Variants in NPSR1 observed in about 807,000 individuals in gnomAD.
NPSR1 encodes neuropeptide S receptor.
Under a neutral mutation model 46.9 loss-of-function variants are expected in NPSR1, and 48 were observed. That is an observed-to-expected ratio of 1.02 (90% CI 0.81 to 1.30). The LOEUF is 1.30. Among genes scored for constraint, NPSR1 ranks in the 50% most tolerant of loss-of-function variants. The probability of loss-of-function intolerance (pLI) is 0.00; values close to 1 mark genes in which losing one functional copy is unlikely to be tolerated. For synonymous variants in NPSR1, 176 were observed against 168.1 expected, an observed-to-expected ratio of 1.05 and a Z score of -0.36; for missense variants, 450 against 449.5, an observed-to-expected ratio of 1.00 and a Z score of -0.01.
chr7:34,752,048 AAG>A (rs1325244697), intron 2 of NPSR1: 6 of 685,060 alleles, frequency 8.8e-6, no homozygotes, highest in African/African-American at 3.6e-5. Flanking sequence ...GAAACTTCGG[AAG>A]AGAGTTTTAT....
Position 34,811,534 on chromosome 7 carries a change from A to G in NPSR1, c.385-236A>G, listed in dbSNP as rs325464. Among the ~76,000 whole-genome samples the G allele has an allele frequency of 0.2, 30,641 of 152,072 alleles. 4,629 individuals are homozygous for G. Among genetic ancestry groups the G allele is most frequent in the African/African-American group, 0.43 (17,818 of 41,410 alleles). The stretch of plus-strand genomic sequence containing the variant: ...AAACAGGAATACCTGTTCTCATTTA[A>G]GACCACTGGTTTCCAGGCTTGAGGG... On this transcript the variant is annotated intron_variant, in intron 3 of 8. Coordinates refer to ENST00000360581, the MANE Select transcript of NPSR1 (RefSeq NM_207172.2).
At chr7:34,784,764 C>T (rs1357557591) in intron 3 of NPSR1, among the ~76,000 whole-genome samples, 1 of 152,118 alleles carries the variant, frequency 6.6e-6, no homozygotes, top group Non-Finnish European at 1.5e-5. Context: ...GGAATGGTAC[C>T]AGTTCCTCAG....
intron 1 of NPSR1, among the ~76,000 whole-genome samples, chr7:34,666,185 G>A (rs544074208): frequency 2.0e-5 from 3 of 152,288 alleles, no homozygotes; most frequent in East Asian, 3.9e-4. Flanking sequence ...GTAATGATGA[G>A]GAATAATGAT....
chr7:34,708,881 T>C lies in NPSR1; in HGVS notation c.280+24197T>C, dbSNP rs559726090. On this transcript the variant is annotated intron_variant, in intron 2 of 8. Coordinates refer to ENST00000360581, the MANE Select transcript of NPSR1 (RefSeq NM_207172.2). ...GAAGGTGAGTGGTGAGCAGTAAACTTCAGGACCTTTAAAGTTATCATTGCT... is the reference window on the plus strand; with the variant it reads ...GAAGGTGAGTGGTGAGCAGTAAACTCCAGGACCTTTAAAGTTATCATTGCT... Among the ~76,000 whole-genome samples, 5 of 152,316 alleles carry C rather than the reference T, an allele frequency of 3.3e-5. No homozygotes were observed. In the East Asian group the frequency reaches 9.6e-4, roughly 29 times the overall value.
intron 2 of NPSR1, among the ~76,000 whole-genome samples, chr7:34,695,232 A>C (rs1462245967): frequency 1.3e-5 from 2 of 152,250 alleles, no homozygotes; most frequent in Admixed American, 1.3e-4. Context: ...CACCTTATTC[A>C]ATAAATGGTG....
intron 5 of NPSR1, among the ~76,000 whole-genome samples, chr7:34,832,608 G>A (rs941937512): frequency 1.3e-5 from 2 of 152,114 alleles, no homozygotes. Context: ...TAATACCCTA[G>A]TTATTAGGTG....
intron 5 of NPSR1, among the ~76,000 whole-genome samples, chr7:34,829,014 T>G (rs1279300113): frequency 6.6e-6 from 1 of 152,246 alleles, no homozygotes. Flanking sequence ...AATATGCATT[T>G]CTTTAATTAC....
chr7:34,777,138 AC>A (rs1340295668), intron 2 of NPSR1, among the ~76,000 whole-genome samples: 1 of 152,128 alleles, frequency 6.6e-6, no homozygotes, highest in Non-Finnish European at 1.5e-5. Context: ...CCAGTTCAGA[AC>A]TAGAACTTGC....
At chr7:34,834,726 C>T (rs895575053) in intron 6 of NPSR1, among the ~76,000 whole-genome samples, 2 of 152,166 alleles carry the variant, frequency 1.3e-5, no homozygotes, top group Non-Finnish European at 2.9e-5. Flanking sequence ...ACCTAGGATC[C>T]AAGGGTTACC....
chr7:34,788,073 T>C (rs1787545153), intron 3 of NPSR1, among the ~76,000 whole-genome samples: 3 of 152,174 alleles, frequency 2.0e-5, no homozygotes, highest in East Asian at 1.9e-4. Context: ...ATGAGGTATA[T>C]TTGTAGTGTG....
At chr7:34,666,890 G>A (rs1414605154) in intron 1 of NPSR1, among the ~76,000 whole-genome samples, 1 of 152,102 alleles carries the variant, frequency 6.6e-6, no homozygotes, top group Non-Finnish European at 1.5e-5. Context: ...ATGGTTTTGA[G>A]TAACCAAGAA....
At chr7:34,868,204 G>A (rs1016168545) in intron 8 of NPSR1, among the ~76,000 whole-genome samples, 8 of 151,636 alleles carry the variant, frequency 5.3e-5, no homozygotes, top group African/African-American at 2.0e-4. Flanking sequence ...CCCTTTCAGC[G>A]ATAGCCAAAA....
At chr7:34,840,779 G>A (rs569422338) in intron 6 of NPSR1, among the ~76,000 whole-genome samples, 9 of 152,296 alleles carry the variant, frequency 5.9e-5, no homozygotes, top group African/African-American at 1.9e-4. Flanking sequence ...CAGCTGCAGC[G>A]AGCCTAGAAA....
chr7:34,838,320 C>T (rs1790446537), intron 6 of NPSR1, among the ~76,000 whole-genome samples: 1 of 152,190 alleles, frequency 6.6e-6, no homozygotes, highest in Non-Finnish European at 1.5e-5. Flanking sequence ...GTGGAAATGG[C>T]TACCGCCACT....
At chr7:34,821,082 C>CCTTATAA (rs1789532790) in intron 4 of NPSR1, among the ~76,000 whole-genome samples, 1 of 149,764 alleles carries the variant, frequency 6.7e-6, no homozygotes, top group Non-Finnish European at 1.5e-5. Flanking sequence ...GGTTGGGGGG[C>CCTTATAA]CTTATAACTT....
At chr7:34,819,551 C>A (rs1789443868) in intron 4 of NPSR1, among the ~76,000 whole-genome samples, 1 of 152,204 alleles carries the variant, frequency 6.6e-6, no homozygotes, top group Non-Finnish European at 1.5e-5. Context: ...TTTGACCCAG[C>A]AATCTTATTA....
At chr7:34,714,132 C>T (rs1027694050) in intron 2 of NPSR1, among the ~76,000 whole-genome samples, 3 of 152,226 alleles carry the variant, frequency 2.0e-5, no homozygotes, top group African/African-American at 4.8e-5. Context: ...TGGCAAAGAT[C>T]GCCAGGAAAG....
At chr7:34,793,153 C>A (rs963509628) in intron 3 of NPSR1, among the ~76,000 whole-genome samples, 2 of 151,784 alleles carry the variant, frequency 1.3e-5, no homozygotes, top group African/African-American at 4.8e-5. Flanking sequence ...ATAGTGAGAC[C>A]CCCATCTAGG....
chr7:34,803,723 T>G lies in NPSR1; in HGVS notation c.385-8047T>G, dbSNP rs535205531. On this transcript the variant is annotated intron_variant, in intron 3 of 8. Transcript: ENST00000360581. ...CCTAAAACTTAAAGTATAATAGTAA[T>G]AAAATAAAATTTAAAAAAAGATAGC... Among the ~76,000 whole-genome samples the G allele has an allele frequency of 2.5e-5, 3 of 119,154 alleles. No homozygotes were observed. In the South Asian group the frequency reaches 8.1e-4, roughly 32 times the overall value. 78.2% of individuals were successfully genotyped at this position (119,154 alleles called of 152,430 possible).
Sources: allele counts gnomAD v4.1 joint callset (sites outside exome capture counted in the v4.1 genomes callset), GRCh38; gene constraint gnomAD v4.1.1; transcripts MANE v1.5; gene names NCBI Gene and HGNC (gene_info 2026-07-23, HGNC 2026-07-21).